ZNF587B: variants seen among roughly 807,000 people sequenced by gnomAD.
ZNF587B encodes zinc finger protein 587B.
A neutral mutation model predicts 7.2 loss-of-function variants in ZNF587B; 6 were observed. That is an observed-to-expected ratio of 0.83 (90% CI 0.46 to 1.65). ZNF587B has a LOEUF of 1.65. ZNF587B is among the 40% of genes most tolerant of loss of function. The pLI is 0.01. For synonymous variants in ZNF587B, 274 were observed against 254.3 expected, an observed-to-expected ratio of 1.08 and a Z score of -0.74; for missense variants, 749 against 761.0, an observed-to-expected ratio of 0.98 and a Z score of 0.19.
In ZNF587B at chr19:57,840,765, C is replaced by G. The variant is rs4014637; in HGVS notation, c.164-73C>G. On this transcript the variant is annotated intron_variant, in intron 2 of 2. Transcript: ENST00000594901. Reference sequence around the variant, plus strand: ...CTTGGAGTAATTCCTCAGTTTTTCACATACACTTGTGGGTGGTCTGTGCCT... The same window carrying G: ...CTTGGAGTAATTCCTCAGTTTTTCAGATACACTTGTGGGTGGTCTGTGCCT... 29,785 of 1,580,480 alleles carry G rather than the reference C, an allele frequency of 0.019. 2,896 individuals carry two copies. The African/African-American group carries it at 0.25, about 13-fold the overall frequency.
At position 57,841,355 on chromosome 19, in the gene ZNF587B, T is replaced by TA; in HGVS notation, c.682dup (p.Ile228AsnfsTer19). The TA allele has an allele frequency of 6.3e-7, 1 of 1,599,994 alleles. No homozygotes were observed. The highest frequency in any genetic ancestry group is 8.5e-7 in the Non-Finnish European group (1 of 1,172,476). The stretch of plus-strand genomic sequence containing the variant: ...CCATGAAACATTTTAGCACCAAACA[T>TA]ATACTCAGTCAGCACCAGAGACTTC... On this transcript the variant is annotated frameshift_variant, in exon 3 of 3. Transcript: ENST00000594901. LOFTEE classifies it low-confidence loss of function (END_TRUNC).
At chr19:57,836,724 G>A (rs1379660794) in intron 1 of ZNF587B, among the ~76,000 whole-genome samples, 1 of 152,038 alleles carries the variant, frequency 6.6e-6, no homozygotes, top group Non-Finnish European at 1.5e-5. Flanking sequence ...AGCACTTTAG[G>A]AGGCCGAGAT....
At chr19:57,831,761 G>C (rs1336501007) in intron 1 of ZNF587B, among the ~76,000 whole-genome samples, 1 of 142,538 alleles carries the variant, frequency 7.0e-6, no homozygotes, top group Non-Finnish European at 1.5e-5. Flanking sequence ...CTGGAGTACA[G>C]TGGCGTGATC....
chr19:57,832,024 G>C (rs1988425679), intron 1 of ZNF587B, among the ~76,000 whole-genome samples: 2 of 150,166 alleles, frequency 1.3e-5, no homozygotes, highest in Admixed American at 6.6e-5. Flanking sequence ...TTTTTTATTT[G>C]TTTACTAAAC....
In ZNF587B at chr19:57,830,402, G is replaced by C. The variant is rs1988326898; in HGVS notation, c.-127G>C. 1.0e-6 allele frequency: 1 copy of C among 1,001,342 alleles called. No homozygotes were observed. Among genetic ancestry groups the C allele is most frequent in the African/African-American group, 1.6e-5 (1 of 62,702 alleles). The allele number at this position is 1,001,342 out of a possible 1,614,324, so 62.0% of individuals were successfully genotyped here. Reference sequence around the variant, plus strand: ...GAACAGTTGTCCTCTGCTGCACAGAGGCGACTCTGGAGCTCTGTGACGGCG... The same window carrying C: ...GAACAGTTGTCCTCTGCTGCACAGACGCGACTCTGGAGCTCTGTGACGGCG... On this transcript the variant is annotated 5_prime_UTR_variant, in exon 1 of 3. Coordinates refer to ENST00000594901, the MANE Select transcript of ZNF587B (RefSeq NM_001376223.1).
intron 1 of ZNF587B, among the ~76,000 whole-genome samples, chr19:57,837,287 G>A (rs1217611409): frequency 6.7e-6 from 1 of 149,786 alleles, no homozygotes; most frequent in Non-Finnish European, 1.5e-5. Context: ...GCACAATTTT[G>A]CTTTTGTTGC....
chr19:57,838,517 C>T (rs180787941), intron 1 of ZNF587B, among the ~76,000 whole-genome samples: 54 of 151,420 alleles, frequency 3.6e-4, no homozygotes, highest in African/African-American at 1.3e-3. Flanking sequence ...AGAAGAATTG[C>T]TGGAACCCAG....
intron 1 of ZNF587B, among the ~76,000 whole-genome samples, chr19:57,836,060 A>G (rs1988589398): frequency 6.6e-6 from 1 of 151,950 alleles, no homozygotes; most frequent in Non-Finnish European, 1.5e-5. Flanking sequence ...GGTAAGTGAC[A>G]ATGAATGTAG....
Position 57,842,087 on chromosome 19 carries a change from T to C in ZNF587B, c.1413T>C (p.Cys471=), listed in dbSNP as rs774791744. 2.5e-6 allele frequency: 4 copies of C among 1,594,888 alleles called. No homozygotes were observed. The Admixed American group carries it at 5.4e-5, about 21-fold the overall frequency. ...TRKRPYMCWE[C]GKLFKKKSHL... Reference sequence around the variant, plus strand: ...AAAGGCCTTATATGTGTTGGGAATGTGGAAAATTATTTAAGAAGAAGTCTC... The same window carrying C: ...AAAGGCCTTATATGTGTTGGGAATGCGGAAAATTATTTAAGAAGAAGTCTC... Residue 471 remains cysteine (C), a synonymous_variant, in exon 3 of 3, where the codon TGT becomes TGC. Transcript: ENST00000594901.
intron 1 of ZNF587B, among the ~76,000 whole-genome samples, chr19:57,836,010 G>T (rs1988587538): frequency 6.6e-6 from 1 of 151,676 alleles, no homozygotes; most frequent in Non-Finnish European, 1.5e-5. Flanking sequence ...GACATTATTG[G>T]CATTCATAAC....
At position 57,841,571 on chromosome 19, in the gene ZNF587B, G is replaced by C. The variant is rs1988851116; in HGVS notation, c.897G>C (p.Gly299=). 3.8e-6 allele frequency: 6 copies of C among 1,577,878 alleles called. No individual in the cohort carries two copies. Among genetic ancestry groups the C allele is most frequent in the Non-Finnish European group, 4.3e-6 (5 of 1,161,458 alleles). ...TTCACACTGGAGGAAAACCTTATGG[G>C]TGTGAAGAATGTGGGAAATATTTTA... ...QQFHTGGKPY[G]CEECGKYFSL... is the part of the protein sequence containing the mutation. The change falls in exon 3 of 3, where the codon GGG becomes GGC. Residue 299 remains glycine, a synonymous_variant. Coordinates refer to ENST00000594901, the MANE Select transcript of ZNF587B (RefSeq NM_001376223.1).
At chr19:57,837,149 A>G (rs1423076979) in intron 1 of ZNF587B, among the ~76,000 whole-genome samples, 1 of 152,072 alleles carries the variant, frequency 6.6e-6, no homozygotes, top group Admixed American at 6.6e-5. Flanking sequence ...TTCATCTTAC[A>G]AAGCTTGCAT....
chr19:57,830,991 AG>A (rs59778715), intron 1 of ZNF587B, among the ~76,000 whole-genome samples: 2,951 of 152,304 alleles, frequency 0.019, 80 homozygotes, highest in African/African-American at 0.067. Flanking sequence ...GTTACAGGAA[AG>A]TAAACAGTTC....
At chr19:57,830,910 A>G (rs1270568333) in intron 1 of ZNF587B, among the ~76,000 whole-genome samples, 2 of 152,094 alleles carry the variant, frequency 1.3e-5, no homozygotes, top group East Asian at 3.9e-4. Context: ...TGGTTTAGAA[A>G]GGGGAGGGGG....
Position 57,841,669 on chromosome 19 carries a change from G to A in ZNF587B, c.995G>A (p.Gly332Glu), listed in dbSNP as rs762015461. The A allele has an allele frequency of 3.1e-5, 50 of 1,604,678 alleles. No homozygotes were observed. The South Asian group carries it at 3.7e-4, about 12-fold the overall frequency. The change falls in exon 3 of 3, where the codon GGG becomes GAG. Residue 332 changes from glycine (G) to glutamate (E), a missense_variant. Around this residue, in one of 3 missense-constraint regions of ZNF587B, gnomAD observed 656 missense variants for 596.5 expected, o/e 1.10. Transcript: ENST00000594901. ...GKGPYECGEC[G>E]KSFSSNVNLK... ...GGGCCTTATGAGTGTGGAGAATGTG[G>A]GAAATCTTTTAGTTCAAACGTGAAC...
At position 57,844,310 on chromosome 19, in the gene ZNF587B, C is replaced by T. The variant is rs760903253; in HGVS notation, c.*1734C>T. On this transcript the variant is annotated 3_prime_UTR_variant, in exon 3 of 3. Coordinates refer to ENST00000594901, the MANE Select transcript of ZNF587B (RefSeq NM_001376223.1). ...GGACAGGAAGGAGTTCAAGACCAGC[C>T]TGGGCAATATAGTGAAATCCTGTCT... The T allele has an allele frequency of 2.9e-5, 11 of 379,614 alleles. No homozygotes were observed. The East Asian group carries it at 1.1e-3, about 38-fold the overall frequency. The allele number at this position is 379,614 out of a possible 1,614,324, so 23.5% of individuals were successfully genotyped here. A position where few individuals can be genotyped will look rare whatever the true frequency, so the allele number is the denominator to read the frequency against.
intron 1 of ZNF587B, among the ~76,000 whole-genome samples, chr19:57,833,116 GT>G (rs1988483633): frequency 6.6e-6 from 1 of 152,300 alleles, no homozygotes. Flanking sequence ...ACAGGCTTAT[GT>G]CCTTCTCCTT....
chr19:57,832,648 T>C (rs1177978632), intron 1 of ZNF587B, among the ~76,000 whole-genome samples: 4 of 152,256 alleles, frequency 2.6e-5, no homozygotes, highest in Non-Finnish European at 5.9e-5. Context: ...TAGGTGTTTA[T>C]TGTGGTCTTC....
intron 1 of ZNF587B, among the ~76,000 whole-genome samples, chr19:57,831,773 C>T (rs1465450080): frequency 4.6e-5 from 7 of 150,960 alleles, no homozygotes; most frequent in South Asian, 2.1e-4. Flanking sequence ...GGCGTGATCT[C>T]GGCTCACTGC....
Sources: allele counts gnomAD v4.1 joint callset (sites outside exome capture counted in the v4.1 genomes callset), GRCh38; gene constraint gnomAD v4.1.1; regional missense constraint gnomAD v4.1.1; transcripts MANE v1.5; gene names NCBI Gene and HGNC (gene_info 2026-07-23, HGNC 2026-07-21).